Variants in ZBTB20 observed in about 807,000 individuals in gnomAD.
ZBTB20 encodes zinc finger and BTB domain-containing protein 20.
In ZBTB20, 9 loss-of-function variants were observed where a neutral mutation model predicts 56.9. The ratio of observed to expected loss-of-function variants is 0.16; its 90% CI spans 0.10 to 0.28. The LOEUF (loss-of-function observed/expected upper bound fraction) is 0.28, where lower values mean the gene tolerates loss of function less well. Among genes scored for constraint, ZBTB20 ranks in the 10% least tolerant of loss-of-function variants. The probability of loss-of-function intolerance (pLI) is 1.00; values close to 1 mark genes in which losing one functional copy is unlikely to be tolerated. For missense variants in ZBTB20, 655 were observed against 1,003.0 expected (o/e 0.65, Z 4.69); for synonymous variants, 417 against 420.7 (o/e 0.99, Z 0.11).
chr3:114,392,129 A>G (rs2085933850), intron 7 of ZBTB20, among the ~76,000 whole-genome samples: 1 of 152,244 alleles, frequency 6.6e-6, no homozygotes, highest in Non-Finnish European at 1.5e-5. Flanking sequence ...AATTATGACA[A>G]TACTGTCAAC....
chr3:114,316,714 G>C lies in ZBTB20; in HGVS notation c.*22291C>G, dbSNP rs771912661. 5.4e-6 allele frequency: 2 copies of C among 373,578 alleles called. No homozygotes were observed. Among genetic ancestry groups the C allele is most frequent in the South Asian group, 4.5e-5 (2 of 44,430 alleles). The allele number at this position is 373,578 out of a possible 1,614,324, so 23.1% of individuals were successfully genotyped here. A position where few individuals can be genotyped will look rare whatever the true frequency, so the allele number is the denominator to read the frequency against. On this transcript the variant is annotated 3_prime_UTR_variant, in exon 12 of 12. Coordinates refer to ENST00000675478, the MANE Select transcript of ZBTB20 (RefSeq NM_001348800.3). ...CAATGCAGAAAAACTGTAATCCACT[G>C]ATTCCTTGGAAAACATTTTTGATGA...
At chr3:114,736,349 C>A (rs947204935) in intron 5 of ZBTB20, among the ~76,000 whole-genome samples, 5 of 152,044 alleles carry the variant, frequency 3.3e-5, no homozygotes, top group African/African-American at 1.2e-4. Flanking sequence ...CGGTTGCTTT[C>A]TTTTGGTTAT....
intron 6 of ZBTB20, among the ~76,000 whole-genome samples, chr3:114,558,165 T>C (rs1046522062): frequency 5.3e-5 from 8 of 152,018 alleles, no homozygotes; most frequent in African/African-American, 1.9e-4. Context: ...ATCAGGACAT[T>C]TAAACTTCTA....
intron 2 of ZBTB20, among the ~76,000 whole-genome samples, chr3:115,042,750 G>A (rs1309117679): frequency 1.3e-5 from 2 of 152,172 alleles, no homozygotes; most frequent in Non-Finnish European, 2.9e-5. Flanking sequence ...TACAGTGAGA[G>A]CTAATTTGTT....
At chr3:114,612,171 T>G (rs1330567640) in intron 6 of ZBTB20, among the ~76,000 whole-genome samples, 4 of 152,330 alleles carry the variant, frequency 2.6e-5, no homozygotes, top group African/African-American at 9.6e-5. Context: ...ACGTCCAGCT[T>G]TTACATCTAC....
chr3:115,031,499 GT>G (rs902198142), intron 2 of ZBTB20, among the ~76,000 whole-genome samples: 1 of 151,324 alleles, frequency 6.6e-6, no homozygotes, highest in Non-Finnish European at 1.5e-5. Flanking sequence ...ATAATTCAAA[GT>G]TTTCCAAGGA....
In ZBTB20 at chr3:114,408,530, T is replaced by A. The variant is rs900628910; in HGVS notation, c.-254-19425A>T. On this transcript the variant is annotated intron_variant, in intron 7 of 11. Coordinates refer to ENST00000675478, the MANE Select transcript of ZBTB20 (RefSeq NM_001348800.3). The stretch of plus-strand genomic sequence containing the variant: ...TCCCTTCCTTTCTTCTAGTGATTTT[T>A]TTTTTTGTATTGGAACAATCGAAAG... Among the ~76,000 whole-genome samples, 3 of 152,150 alleles carry A rather than the reference T, an allele frequency of 2.0e-5. No individual in the cohort carries two copies. In the East Asian group the frequency reaches 5.8e-4, roughly 29 times the overall value.
chr3:114,440,350 A>G (rs999926254), intron 7 of ZBTB20, among the ~76,000 whole-genome samples: 2 of 151,394 alleles, frequency 1.3e-5, no homozygotes, highest in East Asian at 1.9e-4. Context: ...GAGCTGGGGG[A>G]AAAAAAAATC....
chr3:114,694,582 C>T (rs1405494840), intron 5 of ZBTB20, among the ~76,000 whole-genome samples: 1 of 151,774 alleles, frequency 6.6e-6, no homozygotes, highest in Non-Finnish European at 1.5e-5. Flanking sequence ...CATCCTAGGA[C>T]TTATATAAAC....
chr3:114,499,450 G>C (rs983327925), intron 7 of ZBTB20, among the ~76,000 whole-genome samples: 1 of 152,226 alleles, frequency 6.6e-6, no homozygotes, highest in Non-Finnish European at 1.5e-5. Context: ...TTGGAGTGAA[G>C]AGTCAGTGAA....
chr3:115,080,137 A>T (rs183156086), intron 1 of ZBTB20, among the ~76,000 whole-genome samples: 2 of 152,212 alleles, frequency 1.3e-5, no homozygotes, highest in African/African-American at 4.8e-5. Flanking sequence ...TGGGATTAGT[A>T]CTCTTATAAA....
chr3:115,075,842 C>T lies in ZBTB20; in HGVS notation c.-702-4428G>A, dbSNP rs892333063. Among the ~76,000 whole-genome samples the T allele has an allele frequency of 4.5e-4, 68 of 151,992 alleles. 1 individual carries two copies. The highest frequency in any genetic ancestry group is 3.7e-3 in the South Asian group (18 of 4,824). The stretch of plus-strand genomic sequence containing the variant: ...ATTGTAAAGGAAAAAGTAAAATTGT[C>T]TAGTTGGTAGAGTCTATGCTTTTAT... On this transcript the variant is annotated intron_variant, in intron 1 of 11. Transcript: ENST00000675478.
chr3:115,141,049 T>C (rs1302050887), intron 1 of ZBTB20, among the ~76,000 whole-genome samples: 3 of 152,138 alleles, frequency 2.0e-5, no homozygotes, highest in Admixed American at 1.3e-4. Flanking sequence ...TGCTGCCATA[T>C]GTAAGTATAT....
intron 2 of ZBTB20, among the ~76,000 whole-genome samples, chr3:114,988,550 G>A (rs141087396): frequency 0.014 from 2,099 of 152,064 alleles, 62 homozygotes; most frequent in African/African-American, 0.048. Context: ...GAATAGTGCC[G>A]CAATAAGCAT....
At chr3:115,048,064 A>G (rs1004069577) in intron 2 of ZBTB20, among the ~76,000 whole-genome samples, 1 of 151,266 alleles carries the variant, frequency 6.6e-6, no homozygotes, top group Non-Finnish European at 1.5e-5. Context: ...TACTAAAAAT[A>G]CAAAAAAAAA....
chr3:114,435,477 T>G (rs568640901), intron 7 of ZBTB20, among the ~76,000 whole-genome samples: 3 of 152,338 alleles, frequency 2.0e-5, no homozygotes, highest in African/African-American at 7.2e-5. Context: ...TAGTAGGGAC[T>G]AAGCTGGAAT....
At chr3:114,920,049 A>G (rs1008641774) in intron 3 of ZBTB20, among the ~76,000 whole-genome samples, 5 of 152,236 alleles carry the variant, frequency 3.3e-5, no homozygotes, top group African/African-American at 1.2e-4. Flanking sequence ...AAATGATAAT[A>G]AAGTGGTCAA....
At chr3:114,775,702 T>C (rs1578813015) in intron 5 of ZBTB20, among the ~76,000 whole-genome samples, 3 of 152,322 alleles carry the variant, frequency 2.0e-5, no homozygotes, top group African/African-American at 7.2e-5. Context: ...ATGTCCCTCT[T>C]CATTATGTAG....
At chr3:114,913,938 T>C (rs2075642541) in intron 3 of ZBTB20, among the ~76,000 whole-genome samples, 1 of 151,970 alleles carries the variant, frequency 6.6e-6, no homozygotes, top group Non-Finnish European at 1.5e-5. Flanking sequence ...TCCATTGCTA[T>C]ATACACTGTT....
Sources: allele counts gnomAD v4.1 joint callset (sites outside exome capture counted in the v4.1 genomes callset), GRCh38; gene constraint gnomAD v4.1.1; transcripts MANE v1.5; gene names NCBI Gene and HGNC (gene_info 2026-07-23, HGNC 2026-07-21).